HYCC1: variants seen among roughly 807,000 people sequenced by gnomAD.
HYCC1 encodes the protein hyccin PI4KA lipid kinase complex subunit 1.
the HYCC1 span, among the ~76,000 whole-genome samples, chr7:22,966,263 C>A: frequency 2.0e-5 from 3 of 151,964 alleles, no homozygotes; most frequent in East Asian, 5.8e-4. Flanking sequence ...ACTTTCTGAC[C>A]AACATGCACT....
At chr7:22,947,106 T>C in the HYCC1 span, 1 of 1,550,486 alleles carries the variant, frequency 6.4e-7, no homozygotes, top group African/African-American at 1.4e-5. Context: ...CTGCACACCC[T>C]GTATATGCTG....
the HYCC1 span, chr7:22,935,680 C>G: frequency 6.6e-6 from 1 of 152,136 alleles, no homozygotes; most frequent in Admixed American, 6.6e-5. Context: ...GAGTCTTCCT[C>G]TGTTGCCCAG....
chr7:22,949,317 A>G, the HYCC1 span, among the ~76,000 whole-genome samples: 2 of 152,078 alleles, frequency 1.3e-5, no homozygotes, highest in Admixed American at 6.6e-5. Context: ...GAAGAGCTAC[A>G]CAACTATTCA....
the HYCC1 span, among the ~76,000 whole-genome samples, chr7:22,962,185 G>A: frequency 6.6e-6 from 1 of 152,120 alleles, no homozygotes; most frequent in African/African-American, 2.4e-5. Flanking sequence ...AAGGAGAGAT[G>A]GGCCACAATA....
the HYCC1 span, among the ~76,000 whole-genome samples, chr7:22,998,588 C>T: frequency 6.6e-6 from 1 of 152,120 alleles, no homozygotes; most frequent in Non-Finnish European, 1.5e-5. Context: ...CAGCAAGTAT[C>T]TAATAAATAT....
chr7:22,933,676 AATAT>A, the HYCC1 span, among the ~76,000 whole-genome samples: 2 of 152,152 alleles, frequency 1.3e-5, no homozygotes, highest in Admixed American at 6.6e-5. Context: ...AATATGCATA[AATAT>A]GTATGTTTTG....
the HYCC1 span, among the ~76,000 whole-genome samples, chr7:22,903,667 T>C: frequency 6.6e-6 from 1 of 152,186 alleles, no homozygotes; most frequent in African/African-American, 2.4e-5. Flanking sequence ...ATGTAAAATT[T>C]TCAGAAAATA....
At chr7:23,008,382 C>T in the HYCC1 span, among the ~76,000 whole-genome samples, 1 of 151,864 alleles carries the variant, frequency 6.6e-6, no homozygotes, top group African/African-American at 2.4e-5. Context: ...CTATAAAATA[C>T]ATGAAGAAAA....
chr7:22,998,323 G>C, the HYCC1 span, among the ~76,000 whole-genome samples: 2 of 152,066 alleles, frequency 1.3e-5, no homozygotes, highest in Non-Finnish European at 2.9e-5. Flanking sequence ...AAATAGCCTT[G>C]ACTAAGATCA....
the HYCC1 span, chr7:22,960,458 G>A: frequency 1.9e-3 from 2,777 of 1,489,298 alleles, 6 homozygotes; most frequent in Non-Finnish European, 2.4e-3. Flanking sequence ...TGAGCAGATA[G>A]AGCAGATATA....
At chr7:22,904,799 A>G in the HYCC1 span, among the ~76,000 whole-genome samples, 1 of 150,856 alleles carries the variant, frequency 6.6e-6, no homozygotes, top group East Asian at 1.9e-4. Context: ...CAAAAATTAG[A>G]CAGGTGTGGT....
chr7:22,901,142 G>C, the HYCC1 span, among the ~76,000 whole-genome samples: 2 of 138,058 alleles, frequency 1.4e-5, no homozygotes, highest in African/African-American at 5.4e-5. Flanking sequence ...GATCGCTTGA[G>C]CCCAGGAAGT....
the HYCC1 span, chr7:22,942,223 TA>T: frequency 6.6e-5 from 10 of 152,144 alleles, no homozygotes; most frequent in African/African-American, 2.4e-4. Context: ...TTCAACTTTT[TA>T]AAAAAATGAG....
the HYCC1 span, among the ~76,000 whole-genome samples, chr7:22,963,116 T>C: frequency 6.6e-6 from 1 of 152,076 alleles, no homozygotes; most frequent in Admixed American, 6.6e-5. Context: ...TTTACCTCAG[T>C]CTCTACTGTC....
the HYCC1 span, among the ~76,000 whole-genome samples, chr7:22,911,753 T>C: frequency 6.6e-6 from 1 of 152,202 alleles, no homozygotes; most frequent in African/African-American, 2.4e-5. Flanking sequence ...CAAGACTCCA[T>C]ATCAAAAAAT....
At chr7:22,978,207 T>C in the HYCC1 span, 3 of 1,444,780 alleles carry the variant, frequency 2.1e-6, no homozygotes, top group African/African-American at 1.4e-5. Flanking sequence ...TGAAAAGCAG[T>C]TGCACAGGTT....
At chr7:22,982,795 G>A in the HYCC1 span, among the ~76,000 whole-genome samples, 72 of 152,036 alleles carry the variant, frequency 4.7e-4, 1 homozygote, top group Non-Finnish European at 7.9e-4. Flanking sequence ...AGTCTAAACT[G>A]CTTAAGATGG....
At chr7:22,926,436 T>G in the HYCC1 span, among the ~76,000 whole-genome samples, 1 of 152,024 alleles carries the variant, frequency 6.6e-6, no homozygotes, top group African/African-American at 2.4e-5. Context: ...TTCAGGAAAC[T>G]CATCTCACGT....
chr7:22,933,699 C>A, the HYCC1 span, among the ~76,000 whole-genome samples: 1 of 152,058 alleles, frequency 6.6e-6, no homozygotes, highest in Non-Finnish European at 1.5e-5. Context: ...TGCATTAATT[C>A]TGGAATTTTG....
Sources: gnomAD v4.1 joint callset for allele counts (sites outside exome capture counted in the v4.1 genomes callset) on GRCh38, gnomAD v4.1.1 for gene constraint, MANE v1.5 for transcripts, NCBI Gene and HGNC (gene_info 2026-07-23, HGNC 2026-07-21) for gene names.